The following MAN1A2 variants were observed in gnomAD, a reference collection of about 807,000 sequenced individuals.
MAN1A2 encodes mannosyl-oligosaccharide 1,2-alpha-mannosidase IB.
A neutral mutation model predicts 75.7 loss-of-function variants in MAN1A2; 26 were observed. That is an observed-to-expected ratio of 0.34 (90% CI 0.25 to 0.48). The LOEUF is 0.48. Ranked by LOEUF, MAN1A2 falls within the 20% of genes least tolerant of loss-of-function variation. MAN1A2 has a pLI of 0.99. For synonymous variants in MAN1A2, 247 were observed against 264.6 expected, an observed-to-expected ratio of 0.93 and a Z score of 0.65; for missense variants, 562 against 775.5, an observed-to-expected ratio of 0.72 and a Z score of 3.27.
At chr1:117,381,468 G>A (rs1220268905) in intron 1 of MAN1A2, among the ~76,000 whole-genome samples, 1 of 152,044 alleles carries the variant, frequency 6.6e-6, no homozygotes, top group African/African-American at 2.4e-5. Context: ...AGTTTACTGA[G>A]AATGATGATT....
At chr1:117,429,535 A>ACC (rs1244221157) in intron 5 of MAN1A2, among the ~76,000 whole-genome samples, 3 of 42,194 alleles carry the variant, frequency 7.1e-5, no homozygotes, top group Non-Finnish European at 1.4e-4. Context: ...CGGGGGGCCG[A>ACC]CCCCCCCACC....
chr1:117,368,339 G>A lies in MAN1A2; in HGVS notation c.156G>A (p.Gly52=). ...ILSAFITLCF[G]AFFFLPDSSK... is the part of the protein sequence containing the mutation. Reference sequence around the variant, plus strand: ...GTGCCTTCATCACTCTGTGTTTTGGGGCATTCTTTTTCCTTCCAGACTCTT... The same window carrying A: ...GTGCCTTCATCACTCTGTGTTTTGGAGCATTCTTTTTCCTTCCAGACTCTT... The change falls in exon 1 of 13, where the codon GGG becomes GGA. Residue 52 remains glycine, a synonymous_variant. Coordinates refer to ENST00000356554, the MANE Select transcript of MAN1A2 (RefSeq NM_006699.5). 1 of 1,613,964 alleles carries A rather than the reference G, an allele frequency of 6.2e-7. No homozygotes were observed. Among genetic ancestry groups the A allele is most frequent in the African/African-American group, 1.3e-5 (1 of 74,942 alleles).
At chr1:117,399,221 GT>G in intron 1 of MAN1A2, among the ~76,000 whole-genome samples, 1 of 152,280 alleles carries the variant, frequency 6.6e-6, no homozygotes, top group Non-Finnish European at 1.5e-5. Flanking sequence ...AGAAAATGGT[GT>G]GTAATACCTG....
intron 7 of MAN1A2, among the ~76,000 whole-genome samples, chr1:117,465,187 G>GACAAAATT (rs1649944052): frequency 6.6e-6 from 1 of 151,984 alleles, no homozygotes; most frequent in Admixed American, 6.6e-5. Context: ...CAAAATATAA[G>GACAAAATT]GAGCTTAGAA....
At chr1:117,483,170 C>T (rs145882979) in intron 8 of MAN1A2, among the ~76,000 whole-genome samples, 155 of 152,146 alleles carry the variant, frequency 1.0e-3, no homozygotes, top group Middle Eastern at 3.4e-3. Context: ...AGTCAGGTAG[C>T]GTGATGTCTC....
intron 3 of MAN1A2, 63 bp from the exon 4 acceptor site, chr1:117,414,650 C>G (rs1407578627): frequency 2.6e-6 from 2 of 782,632 alleles, no homozygotes; most frequent in Admixed American, 2.1e-5. Context: ...TTTTTTTCCC[C>G]CCAAAGAGAA....
At chr1:117,430,052 C>T (rs1394925644) in intron 5 of MAN1A2, among the ~76,000 whole-genome samples, 2 of 39,788 alleles carry the variant, frequency 5.0e-5, no homozygotes, top group African/African-American at 2.6e-4. Context: ...CACCTCCCTC[C>T]CGGACGGGGC....
intron 11 of MAN1A2, among the ~76,000 whole-genome samples, chr1:117,499,966 A>C (rs549224610): frequency 6.6e-6 from 1 of 151,766 alleles, no homozygotes; most frequent in South Asian, 2.1e-4. Flanking sequence ...TAATTGTGAT[A>C]AATAGCACTA....
intron 12 of MAN1A2, among the ~76,000 whole-genome samples, chr1:117,507,985 T>C (rs1437331242): frequency 2.0e-5 from 3 of 151,714 alleles, no homozygotes; most frequent in East Asian, 1.9e-4. Flanking sequence ...AGCGGTTCTC[T>C]AGTAGCAGCA....
chr1:117,367,861 C>G lies in MAN1A2; in HGVS notation c.-323C>G. On this transcript the variant is annotated 5_prime_UTR_variant, in exon 1 of 13. Coordinates refer to ENST00000356554, the MANE Select transcript of MAN1A2 (RefSeq NM_006699.5). ...ACTGAGGTGCAGGAATGGAAGAACC[C>G]ACCTTGCAGCTTTTCTGCAGTGTGG... The G allele has an allele frequency of 3.9e-6, 1 of 256,458 alleles. No individual in the cohort carries two copies. Among genetic ancestry groups the G allele is most frequent in the Non-Finnish European group, 7.4e-6 (1 of 135,204 alleles). 15.9% of individuals were successfully genotyped at this position (256,458 alleles called of 1,614,324 possible).
At position 117,528,767 on chromosome 1, in the gene MAN1A2, C is replaced by G. The variant is rs1652094472; in HGVS notation, c.*5810C>G. On this transcript the variant is annotated 3_prime_UTR_variant, in exon 13 of 13. Transcript: ENST00000356554. ...AATCTCCTAAATTGGTACCCACTGG[C>G]TGCTCCTAAACTGGTTTCCAGTCAT... 1 of 152,062 alleles carries G rather than the reference C, an allele frequency of 6.6e-6. No individual in the cohort carries two copies. The highest frequency in any genetic ancestry group is 2.4e-5 in the African/African-American group (1 of 41,404). 9.4% of individuals were successfully genotyped at this position (152,062 alleles called of 1,614,324 possible).
intron 3 of MAN1A2, among the ~76,000 whole-genome samples, chr1:117,411,246 A>G (rs1426472867): frequency 6.6e-6 from 1 of 151,834 alleles, no homozygotes; most frequent in Non-Finnish European, 1.5e-5. Flanking sequence ...AAGGATGGGC[A>G]TAGAGATCTG....
At chr1:117,445,890 A>ATATATATATATG (rs1255354380) in intron 6 of MAN1A2, among the ~76,000 whole-genome samples, 7 of 142,650 alleles carry the variant, frequency 4.9e-5, no homozygotes, top group South Asian at 2.2e-4. Flanking sequence ...GTGTGTATAT[A>ATATATATATATG]TATATATATG....
At chr1:117,445,420 C>A (rs898142178) in intron 6 of MAN1A2, among the ~76,000 whole-genome samples, 15 of 152,236 alleles carry the variant, frequency 9.9e-5, no homozygotes, top group African/African-American at 3.6e-4. Context: ...GCTGTAGTTA[C>A]TTCTTTCTTA....
intron 6 of MAN1A2, among the ~76,000 whole-genome samples, chr1:117,453,691 G>A (rs1313399311): frequency 2.0e-5 from 3 of 152,178 alleles, no homozygotes; most frequent in Non-Finnish European, 2.9e-5. Flanking sequence ...ATGACAATAA[G>A]GATTTAGAAT....
chr1:117,505,794 ATGACT>A, intron 12 of MAN1A2, among the ~76,000 whole-genome samples: 1 of 151,444 alleles, frequency 6.6e-6, no homozygotes, highest in Admixed American at 6.6e-5. Context: ...AAATTATAAA[ATGACT>A]TAAATTGGAT....
intron 5 of MAN1A2, among the ~76,000 whole-genome samples, chr1:117,429,415 G>A (rs1382885281): frequency 9.9e-5 from 13 of 131,538 alleles, no homozygotes; most frequent in Non-Finnish European, 1.9e-4. Context: ...GGACGGGGCG[G>A]CTGGCCGGGC....
At chr1:117,421,499 G>T (rs1165933879) in intron 5 of MAN1A2, among the ~76,000 whole-genome samples, 1 of 151,088 alleles carries the variant, frequency 6.6e-6, no homozygotes, top group East Asian at 1.9e-4. Context: ...CCTTTCCTAT[G>T]TCTGTGTTAT....
At chr1:117,376,367 T>C (rs766795924) in intron 1 of MAN1A2, among the ~76,000 whole-genome samples, 6 of 152,260 alleles carry the variant, frequency 3.9e-5, no homozygotes, top group Non-Finnish European at 7.3e-5. Context: ...AACCATGTCA[T>C]GTGAGGCGCA....
Sources: allele counts gnomAD v4.1 joint callset (sites outside exome capture counted in the v4.1 genomes callset), GRCh38; gene constraint gnomAD v4.1.1; transcripts MANE v1.5; gene names NCBI Gene and HGNC (gene_info 2026-07-23, HGNC 2026-07-21).